DTNA: variants seen among roughly 807,000 people sequenced by gnomAD.
The protein encoded by DTNA is dystrophin-related protein 3.
A neutral mutation model predicts 100.7 loss-of-function variants in DTNA; 43 were observed. The ratio of observed to expected loss-of-function variants is 0.43; its 90% confidence interval spans 0.33 to 0.55. The LOEUF is 0.55. Among genes scored for constraint, DTNA ranks in the 20% least tolerant of loss-of-function variants. The pLI is 0.04. For synonymous variants in DTNA, 349 were observed against 347.9 expected, an observed-to-expected ratio of 1.00 and a Z score of -0.04; for missense variants, 798 against 953.9, an observed-to-expected ratio of 0.84 and a Z score of 2.15.
intron 1 of DTNA, among the ~76,000 whole-genome samples, chr18:34,647,860 G>C (rs113285018): frequency 1.6e-3 from 249 of 152,314 alleles, no homozygotes; most frequent in Non-Finnish European, 2.4e-3. Flanking sequence ...TGCACAGTAG[G>C]TGCTCAGCAA....
chr18:34,605,569 A>G (rs1392302092), intron 1 of DTNA, among the ~76,000 whole-genome samples: 1 of 152,004 alleles, frequency 6.6e-6, no homozygotes, highest in Admixed American at 6.6e-5. Context: ...GCTTAGTTAG[A>G]TATGCATTTT....
intron 1 of DTNA, among the ~76,000 whole-genome samples, chr18:34,534,512 C>T (rs1053029429): frequency 3.3e-5 from 5 of 151,876 alleles, no homozygotes; most frequent in African/African-American, 1.2e-4. Flanking sequence ...TTCTGGAATA[C>T]ATGCACAGAA....
At chr18:34,814,555 G>A (rs1309418455) in intron 6 of DTNA, among the ~76,000 whole-genome samples, 2 of 151,906 alleles carry the variant, frequency 1.3e-5, no homozygotes, top group African/African-American at 4.8e-5. Flanking sequence ...AGCCAGGTGT[G>A]GTGGCACACA....
intron 1 of DTNA, among the ~76,000 whole-genome samples, chr18:34,518,992 A>G (rs2041925603): frequency 6.6e-6 from 1 of 152,112 alleles, no homozygotes; most frequent in Non-Finnish European, 1.5e-5. Context: ...GAGCTTACAG[A>G]CAGAAAGGAG....
chr18:34,762,511 GT>G (rs1419466529), intron 2 of DTNA, among the ~76,000 whole-genome samples: 1 of 152,148 alleles, frequency 6.6e-6, no homozygotes, highest in Non-Finnish European at 1.5e-5. Context: ...AGGTTTTTGG[GT>G]TTATAAACTT....
chr18:34,687,883 A>G (rs1600218593), intron 1 of DTNA, among the ~76,000 whole-genome samples: 1 of 152,094 alleles, frequency 6.6e-6, no homozygotes, highest in Non-Finnish European at 1.5e-5. Context: ...TCCCTTTAAC[A>G]TTATGTAATG....
At chr18:34,669,378 C>G (rs1364854721) in intron 1 of DTNA, among the ~76,000 whole-genome samples, 1 of 152,128 alleles carries the variant, frequency 6.6e-6, no homozygotes, top group African/African-American at 2.4e-5. Flanking sequence ...GACTCTTTAT[C>G]CAATTTGCCA....
chr18:34,805,257 T>C (rs1309487071), intron 4 of DTNA, among the ~76,000 whole-genome samples: 1 of 152,234 alleles, frequency 6.6e-6, no homozygotes, highest in African/African-American at 2.4e-5. Context: ...AGATTTGTTA[T>C]ACTTCCTGAA....
At chr18:34,494,689 A>C (rs1186299478) in intron 1 of DTNA, among the ~76,000 whole-genome samples, 2 of 152,078 alleles carry the variant, frequency 1.3e-5, no homozygotes, top group Non-Finnish European at 2.9e-5. Flanking sequence ...GGGGAGGCGC[A>C]AATATTGGAT....
intron 1 of DTNA, among the ~76,000 whole-genome samples, chr18:34,641,852 G>A (rs1475290217): frequency 6.6e-6 from 1 of 152,136 alleles, no homozygotes; most frequent in East Asian, 1.9e-4. Context: ...TTGCCAGAGA[G>A]CTGAGTTTCA....
chr18:34,866,791 T>G lies in DTNA; in HGVS notation c.1743+2729T>G, dbSNP rs931173468. On this transcript the variant is annotated intron_variant, in intron 17 of 22. Coordinates refer to ENST00000444659, the MANE Select transcript of DTNA (RefSeq NM_001386795.1). ...CAGAATCCTTACTGTTGGTTGACAG[T>G]AATCTCTTTTTAAAAAGTAACTCTC... 7.0e-6 allele frequency: 7 copies of G among 993,434 alleles called. No homozygotes were observed. In the Admixed American group the frequency reaches 3.0e-4, roughly 43 times the overall value. The allele number at this position is 993,434 out of a possible 1,614,324, so 61.5% of individuals were successfully genotyped here. A position where few individuals can be genotyped will look rare whatever the true frequency, so the allele number is the denominator to read the frequency against.
At chr18:34,732,361 T>C (rs1282101284) in intron 1 of DTNA, among the ~76,000 whole-genome samples, 2 of 152,198 alleles carry the variant, frequency 1.3e-5, no homozygotes, top group East Asian at 1.9e-4. Context: ...CTCATTCTTA[T>C]ACAGCAGAGT....
chr18:34,767,235 T>C (rs1313856567), intron 3 of DTNA, among the ~76,000 whole-genome samples: 5 of 151,652 alleles, frequency 3.3e-5, no homozygotes, highest in African/African-American at 7.3e-5. Context: ...GAAACCGGCA[T>C]CTCCACATGT....
At chr18:34,719,553 T>A (rs750187772) in intron 1 of DTNA, among the ~76,000 whole-genome samples, 5 of 152,068 alleles carry the variant, frequency 3.3e-5, no homozygotes, top group Non-Finnish European at 5.9e-5. Context: ...CTACTCTTAA[T>A]CTATGTTAAT....
At chr18:34,790,935 A>G (rs2094712081) in intron 3 of DTNA, among the ~76,000 whole-genome samples, 1 of 152,104 alleles carries the variant, frequency 6.6e-6, no homozygotes, top group South Asian at 2.1e-4. Context: ...AGAACCCAGA[A>G]AGTAAATCTC....
intron 1 of DTNA, among the ~76,000 whole-genome samples, chr18:34,602,466 A>G (rs1266705026): frequency 2.6e-5 from 4 of 152,216 alleles, no homozygotes; most frequent in Admixed American, 2.0e-4. Context: ...TCTTTAACCC[A>G]GTGTTTTCCA....
chr18:34,532,500 A>G (rs747913665), intron 1 of DTNA, among the ~76,000 whole-genome samples: 2 of 152,050 alleles, frequency 1.3e-5, no homozygotes, highest in Non-Finnish European at 1.5e-5. Flanking sequence ...TTTGGTATCC[A>G]CCACTTGCTG....
chr18:34,887,784 G>T lies in DTNA; in HGVS notation c.*50G>T. 1.0e-6 allele frequency: 1 copy of T among 985,702 alleles called. No individual in the cohort carries two copies. Among genetic ancestry groups the T allele is most frequent in the Non-Finnish European group, 1.2e-6 (1 of 829,950 alleles). 61.1% of individuals were successfully genotyped at this position (985,702 alleles called of 1,614,324 possible). A position where few individuals can be genotyped will look rare whatever the true frequency, so the allele number is the denominator to read the frequency against. On this transcript the variant is annotated 3_prime_UTR_variant, in exon 23 of 23. Transcript: ENST00000444659. ...TTCCCAGGCAAGCTATAGTCAGACA[G>T]ATGATGAAAGTAACATGAAAACTGG...
At chr18:34,828,889 A>T (rs2095928090) in intron 10 of DTNA, 1 of 868,218 alleles carries the variant, frequency 1.2e-6, no homozygotes, top group Non-Finnish European at 1.8e-6. Context: ...TAAACTGTAA[A>T]ATCTGTAAAA....
Sources: gnomAD v4.1 joint callset for allele counts (sites outside exome capture counted in the v4.1 genomes callset) on GRCh38, gnomAD v4.1.1 for gene constraint, MANE v1.5 for transcripts, NCBI Gene and HGNC (gene_info 2026-07-23, HGNC 2026-07-21) for gene names.